The following ANKMY2 variants were observed in gnomAD, a reference collection of about 807,000 sequenced individuals.
ANKMY2 encodes the protein ankyrin repeat and MYND domain-containing protein 2.
In ANKMY2, 36 loss-of-function variants were observed where a neutral mutation model predicts 50.4. That is an observed-to-expected ratio of 0.71 (90% confidence interval 0.55 to 0.94). The LOEUF (loss-of-function observed/expected upper bound fraction) is 0.94. ANKMY2 is among the 40% of genes least tolerant of loss of function. The probability of loss-of-function intolerance (pLI) is 0.00; values close to 1 mark genes in which losing one functional copy is unlikely to be tolerated. For missense variants in ANKMY2, 565 were observed against 524.0 expected, an observed-to-expected ratio of 1.08 and a Z score of -0.76; for synonymous variants, 187 against 178.8, an observed-to-expected ratio of 1.05 and a Z score of -0.36.
At position 16,600,756 on chromosome 7, in the gene ANKMY2, G is replaced by T; in HGVS notation, c.*5C>A. 1 of 1,600,722 alleles carries T rather than the reference G, an allele frequency of 6.2e-7. No individual in the cohort carries two copies. Among genetic ancestry groups the T allele is most frequent in the South Asian group, 1.1e-5 (1 of 88,864 alleles). On this transcript the variant is annotated 3_prime_UTR_variant, in exon 10 of 10. Coordinates refer to ENST00000306999, the MANE Select transcript of ANKMY2 (RefSeq NM_020319.3). ...GATCATCCACACTGGCACTTGCTCTGGCTTTTACTCCTCAGACACCTGTGG... is the reference window on the plus strand; with the variant it reads ...GATCATCCACACTGGCACTTGCTCTTGCTTTTACTCCTCAGACACCTGTGG...
intron 1 of ANKMY2, among the ~76,000 whole-genome samples, chr7:16,638,415 T>C (rs1172696871): frequency 6.6e-6 from 1 of 152,124 alleles, no homozygotes; most frequent in Non-Finnish European, 1.5e-5. Context: ...CAATTACAAA[T>C]AATATTACAA....
At chr7:16,605,215 A>G (rs541564360) in intron 7 of ANKMY2, among the ~76,000 whole-genome samples, 11 of 152,374 alleles carry the variant, frequency 7.2e-5, no homozygotes, top group African/African-American at 2.4e-4. Context: ...GAAAATATTC[A>G]TATTCCATGA....
chr7:16,644,789 C>A, intron 1 of ANKMY2: 1 of 463,356 alleles, frequency 2.2e-6, no homozygotes, highest in South Asian at 1.6e-5. Flanking sequence ...CGCTGGGACT[C>A]AGCACTGCGG....
intron 1 of ANKMY2, among the ~76,000 whole-genome samples, chr7:16,639,928 G>C (rs752489346): frequency 4.3e-4 from 65 of 152,038 alleles, no homozygotes; most frequent in Admixed American, 6.6e-4. Context: ...GGGAGGCCAA[G>C]GCGGATGGAT....
intron 4 of ANKMY2, among the ~76,000 whole-genome samples, chr7:16,617,007 T>C (rs1562771525): frequency 6.6e-6 from 1 of 152,170 alleles, no homozygotes; most frequent in Non-Finnish European, 1.5e-5. Context: ...GTGCCTCAGC[T>C]GGTTTGCTGA....
chr7:16,631,099 C>A (rs897432190), intron 2 of ANKMY2, among the ~76,000 whole-genome samples: 6 of 152,134 alleles, frequency 3.9e-5, no homozygotes, highest in Non-Finnish European at 5.9e-5. Context: ...GTCATTCTAT[C>A]CTAATTTGTT....
intron 2 of ANKMY2, among the ~76,000 whole-genome samples, chr7:16,633,571 T>C (rs1781616566): frequency 6.6e-6 from 1 of 152,176 alleles, no homozygotes; most frequent in Admixed American, 6.5e-5. Flanking sequence ...AATTCCAAGA[T>C]ATGTGCTTCA....
At chr7:16,611,017 G>C (rs1056616725) in intron 5 of ANKMY2, among the ~76,000 whole-genome samples, 2 of 152,206 alleles carry the variant, frequency 1.3e-5, no homozygotes, top group East Asian at 1.9e-4. Flanking sequence ...CTACACCACA[G>C]TGCCAGTATG....
intron 6 of ANKMY2, among the ~76,000 whole-genome samples, chr7:16,610,206 C>T (rs1180873299): frequency 6.6e-6 from 1 of 152,178 alleles, no homozygotes; most frequent in Non-Finnish European, 1.5e-5. Flanking sequence ...GATGCCATTA[C>T]AAACCTAGGG....
chr7:16,623,424 A>G (rs1171543856), intron 4 of ANKMY2, among the ~76,000 whole-genome samples: 2 of 152,150 alleles, frequency 1.3e-5, no homozygotes, highest in African/African-American at 4.8e-5. Flanking sequence ...TAATGCCTGA[A>G]AGAAGAGACT....
chr7:16,610,335 G>T (rs778119726), intron 6 of ANKMY2, among the ~76,000 whole-genome samples: 3 of 151,972 alleles, frequency 2.0e-5, no homozygotes, highest in Non-Finnish European at 4.4e-5. Flanking sequence ...TAAATTGCTG[G>T]TAACAACAAA....
At chr7:16,637,155 C>T (rs1457874515) in intron 1 of ANKMY2, among the ~76,000 whole-genome samples, 2 of 152,124 alleles carry the variant, frequency 1.3e-5, no homozygotes, top group Non-Finnish European at 2.9e-5. Context: ...TTAGTACAAG[C>T]CAGCCACACA....
chr7:16,606,412 G>A (rs531908525), intron 7 of ANKMY2, among the ~76,000 whole-genome samples: 1 of 141,932 alleles, frequency 7.0e-6, no homozygotes, highest in African/African-American at 2.7e-5. Flanking sequence ...CTTGGTGACA[G>A]TGCAAGACCT....
intron 2 of ANKMY2, among the ~76,000 whole-genome samples, chr7:16,632,960 G>A (rs959473553): frequency 1.3e-5 from 2 of 152,136 alleles, no homozygotes; most frequent in Non-Finnish European, 2.9e-5. Context: ...ATATGAAGTG[G>A]TATTTCATTG....
Position 16,615,639 on chromosome 7 carries a change from A to G in ANKMY2, c.531+105T>C, listed in dbSNP as rs1781332362. 5 of 1,448,122 alleles carry G rather than the reference A, an allele frequency of 3.5e-6. No homozygotes were observed. In the South Asian group the frequency reaches 5.0e-5, roughly 15 times the overall value. 89.7% of individuals were successfully genotyped at this position (1,448,122 alleles called of 1,614,324 possible). On this transcript the variant is annotated intron_variant, in intron 5 of 9. Transcript: ENST00000306999. ...AAAAGAGCCCACTGCAAGCTCTACA[A>G]CTACAAAACCCACCCCAAGACAATT...
chr7:16,609,119 T>A (rs1335833826), intron 7 of ANKMY2, among the ~76,000 whole-genome samples: 1 of 152,162 alleles, frequency 6.6e-6, no homozygotes, highest in Non-Finnish European at 1.5e-5. Flanking sequence ...AGGTTGTAAG[T>A]ATGGACATTT....
Position 16,645,484 on chromosome 7 carries a change from G to A in ANKMY2, c.67+23C>T, listed in dbSNP as rs372117413. On this transcript the variant is annotated intron_variant, in intron 1 of 9. Coordinates refer to ENST00000306999, the MANE Select transcript of ANKMY2 (RefSeq NM_020319.3). Reference sequence around the variant, plus strand: ...CCCCCCGGCCAGGCTGGCCGCGGCCGCGTCGCAGCCCAGCACCCGTACCTT... The same window carrying A: ...CCCCCCGGCCAGGCTGGCCGCGGCCACGTCGCAGCCCAGCACCCGTACCTT... The A allele has an allele frequency of 4.4e-6, 7 of 1,590,870 alleles. No homozygotes were observed. The African/African-American group carries it at 6.8e-5, about 16-fold the overall frequency.
intron 2 of ANKMY2, among the ~76,000 whole-genome samples, chr7:16,630,473 C>T (rs138844573): frequency 1.2e-4 from 19 of 152,246 alleles, no homozygotes; most frequent in Middle Eastern, 6.8e-3. Context: ...AGATACAATC[C>T]CCTTAAAAAT....
chr7:16,613,447 G>C (rs749627962), intron 5 of ANKMY2, among the ~76,000 whole-genome samples: 5 of 152,048 alleles, frequency 3.3e-5, no homozygotes, highest in Admixed American at 6.6e-5. Context: ...AGATCCCAAG[G>C]GTGGATAAAA....
Sources: allele counts gnomAD v4.1 joint callset (sites outside exome capture counted in the v4.1 genomes callset), GRCh38; gene constraint gnomAD v4.1.1; transcripts MANE v1.5; gene names NCBI Gene and HGNC (gene_info 2026-07-23, HGNC 2026-07-21).